AARSD1: variants seen among roughly 807,000 people sequenced by gnomAD.
AARSD1 encodes the protein alanyl-tRNA synthetase domain containing 1, also known as alanyl-tRNA editing protein Aarsd1.
Under a neutral mutation model 48.7 loss-of-function variants are expected in AARSD1, and 44 were observed. That is an observed-to-expected ratio of 0.90 (90% CI 0.71 to 1.16). The LOEUF (loss-of-function observed/expected upper bound fraction) is 1.16, where lower values mean the gene tolerates loss of function less well. Among genes scored for constraint, AARSD1 ranks in the 50% most tolerant of loss-of-function variants. The pLI is 0.00. For synonymous variants in AARSD1, 189 were observed against 194.9 expected (o/e 0.97, Z 0.25); for missense variants, 511 against 523.1 (o/e 0.98, Z 0.23).
chr17:42,962,242 G>A (rs1308893895), intron 2 of AARSD1: 1 of 290,850 alleles, frequency 3.4e-6, no homozygotes, highest in Non-Finnish European at 7.3e-6. Context: ...GGAGATTGCA[G>A]TAAGCCGAGA....
At chr17:42,954,293 T>C (rs1364820769) in intron 9 of AARSD1, among the ~76,000 whole-genome samples, 6 of 151,772 alleles carry the variant, frequency 4.0e-5, no homozygotes, top group Admixed American at 1.3e-4. Flanking sequence ...GAGGCACAGG[T>C]TACACTGAGC....
At chr17:42,954,791 C>G in intron 9 of AARSD1, 85 bp downstream of exon 9, 1 of 1,408,438 alleles carries the variant, frequency 7.1e-7, no homozygotes, top group Middle Eastern at 1.8e-4. Flanking sequence ...AATCCACCTC[C>G]CACTGTACAT....
At chr17:42,951,129 G>T (rs979769934) in intron 11 of AARSD1, among the ~76,000 whole-genome samples, 6 of 152,178 alleles carry the variant, frequency 3.9e-5, no homozygotes, top group African/African-American at 1.4e-4. Context: ...TTGCACTCCA[G>T]CCTGGGCAAC....
chr17:42,950,788 G>A (rs983129791), intron 11 of AARSD1, 60 bp from the exon 12 acceptor site: 7 of 1,561,668 alleles, frequency 4.5e-6, no homozygotes, highest in African/African-American at 1.4e-5. Context: ...AAAAAACAAG[G>A]GCAGCTCTGA....
intron 11 of AARSD1, among the ~76,000 whole-genome samples, chr17:42,951,158 CA>C (rs1442921546): frequency 1.3e-5 from 2 of 151,984 alleles, no homozygotes; most frequent in Non-Finnish European, 2.9e-5. Flanking sequence ...AACTTTGTCT[CA>C]AAAAAACACT....
intron 3 of AARSD1, among the ~76,000 whole-genome samples, chr17:42,959,316 T>G (rs2049600435): frequency 6.6e-6 from 1 of 150,612 alleles, no homozygotes; most frequent in Non-Finnish European, 1.5e-5. Flanking sequence ...GCTCCTGGGT[T>G]CAAGCAATTC....
chr17:42,958,473 C>T (rs967311653), intron 3 of AARSD1, among the ~76,000 whole-genome samples: 1 of 151,260 alleles, frequency 6.6e-6, no homozygotes, highest in Non-Finnish European at 1.5e-5. Context: ...GCCTGGGCAA[C>T]AAAGTGAGAC....
chr17:42,960,193 C>G (rs1048918642), intron 3 of AARSD1, among the ~76,000 whole-genome samples: 1 of 151,032 alleles, frequency 6.6e-6, no homozygotes, highest in Non-Finnish European at 1.5e-5. Flanking sequence ...CACTTGAGCC[C>G]GGGAGGTGAG....
chr17:42,955,819 C>T (rs1204402776), intron 7 of AARSD1, 23 bp downstream of exon 7: 8 of 1,613,386 alleles, frequency 5.0e-6, no homozygotes, highest in East Asian at 2.2e-5. Context: ...GGGAGGTAAT[C>T]GAAGGTACTG....
chr17:42,955,434 A>G (rs947354960), intron 7 of AARSD1: 3 of 405,854 alleles, frequency 7.4e-6, no homozygotes, highest in Non-Finnish European at 1.3e-5. Flanking sequence ...AAAGCACTTG[A>G]TCTTTTTTTT....
chr17:42,961,228 A>T lies in AARSD1; in HGVS notation c.295T>A (p.Trp99Arg). Residue 99 changes from tryptophan (W) to arginine (R), a missense_variant, in exon 3 of 12, where the codon TGG becomes AGG. By Grantham distance (101) the Trp-to-Arg change is moderately radical. Transcript: ENST00000427569. ...PGSQVLVRVD[W>R]ERRFDHMQQH... Reference sequence around the variant, plus strand: ...TGCATGTGGTCAAACCTCCGCTCCCAATCTACCCGGACCAGAACCTGGCTT... The same window carrying T: ...TGCATGTGGTCAAACCTCCGCTCCCTATCTACCCGGACCAGAACCTGGCTT... The T allele has an allele frequency of 6.2e-7, 1 of 1,613,840 alleles. No individual in the cohort carries two copies. Among genetic ancestry groups the T allele is most frequent in the Non-Finnish European group, 8.5e-7 (1 of 1,179,898 alleles).
rs768071783 is a variant in AARSD1 at position 42,955,902 on chromosome 17, C to CGGTT, written c.730_733dup (p.Arg245GlnfsTer14). 2.2e-5 allele frequency: 36 copies of CGGTT among 1,614,110 alleles called. No homozygotes were observed. Among genetic ancestry groups the CGGTT allele is most frequent in the Non-Finnish European group, 2.9e-5 (34 of 1,180,028 alleles). On this transcript the variant is annotated frameshift_variant, in exon 7 of 12. Coordinates refer to ENST00000427569, the MANE Select transcript of AARSD1 (RefSeq NM_001261434.2). LOFTEE classifies it high-confidence loss of function. The stretch of plus-strand genomic sequence containing the variant: ...ACTTCTCTCCATCCACTTCAGCACC[C>CGGTT]GGTTCCCAGACAGAAATATCAGGTT...
rs778004676 is a variant in AARSD1, at chr17:42,964,140, T to C, written c.137A>G (p.Glu46Gly). 27 of 1,614,198 alleles carry C rather than the reference T, an allele frequency of 1.7e-5. No homozygotes were observed. Among genetic ancestry groups the C allele is most frequent in the Non-Finnish European group, 1.6e-5 (19 of 1,180,036 alleles). Residue 46 changes from glutamate (E) to glycine (G), a missense_variant, in exon 2 of 12, where the codon GAA becomes GGA. Glu to Gly is a moderately conservative substitution (Grantham distance 98, BLOSUM62 -2). Coordinates refer to ENST00000427569, the MANE Select transcript of AARSD1 (RefSeq NM_001261434.2). ...GCCCTCAGGGAAAAGCACTGTGTCT[T>C]CCAGCACCACTTGGAAACCGCTCAG... ...EVLSGFQVVL[E>G]DTVLFPEGGG... is the part of the protein sequence containing the mutation.
At chr17:42,953,803 G>C in intron 9 of AARSD1, 25 bp from the exon 10 acceptor site, 3 of 1,614,074 alleles carry the variant, frequency 1.9e-6, no homozygotes, top group Non-Finnish European at 2.5e-6. Flanking sequence ...ACAGACATGA[G>C]ACCCAGGTTG....
In AARSD1 at chr17:42,964,416, T is replaced by C. The variant is rs1252743810; in HGVS notation, c.25A>G (p.Ser9Gly). MAFWCQRD[S>G]YAREFTTTVV... ...TGACGCCGTACCTCTCGGGCATAAC[T>C]GTCACGCTGACACCAGAACGCCATA... Residue 9 changes from serine (S) to glycine (G), a missense_variant, in exon 1 of 12, where the codon AGT (serine) becomes GGT (glycine). By Grantham distance (56) the Ser-to-Gly change is moderately conservative (BLOSUM62 0). Transcript: ENST00000427569. 1.3e-6 allele frequency: 2 copies of C among 1,551,112 alleles called. No homozygotes were observed. The highest frequency in any genetic ancestry group is 1.7e-6 in the Non-Finnish European group (2 of 1,147,140).
Position 42,950,643 on chromosome 17 carries a change from C to T in AARSD1, c.1189G>A (p.Ala397Thr), listed in dbSNP as rs765392366. ...KATKMSRRME[A>T]QALLQDYIST... ...ATGTAGTCCTGGAGAAGCGCCTGCG[C>T]CTCCATCCGCCGGCTCATCTTGGTG... The change falls in exon 12 of 12, where the codon GCG becomes ACG. Residue 397 changes from alanine (A) to threonine (T), a missense_variant. By Grantham distance (58) the Ala-to-Thr change is moderately conservative (BLOSUM62 0). Transcript: ENST00000427569. The T allele has an allele frequency of 3.1e-6, 5 of 1,614,068 alleles. No homozygotes were observed. The highest frequency in any genetic ancestry group is 4.5e-5 in the East Asian group (2 of 44,882).
chr17:42,962,404 C>A, intron 2 of AARSD1: 1 of 160,702 alleles, frequency 6.2e-6, no homozygotes, highest in South Asian at 1.2e-4. Flanking sequence ...AGATATGGTA[C>A]CTCATGGAAC....
In AARSD1 at chr17:42,953,771, C is replaced by A; in HGVS notation, c.961G>T (p.Gly321Cys). 1 of 1,614,106 alleles carries A rather than the reference C, an allele frequency of 6.2e-7. No homozygotes were observed. The highest frequency in any genetic ancestry group is 8.5e-7 in the Non-Finnish European group (1 of 1,180,000). The change falls in exon 10 of 12, where the codon GGT becomes TGT. Residue 321 changes from glycine (G) to cysteine (C), a missense_variant. Gly to Cys is a radical substitution (Grantham distance 159). Transcript: ENST00000427569. ...GGVVILHRKEGDSEFMNIIAN... is the reference protein window; with the variant it reads ...GGVVILHRKECDSEFMNIIAN... Reference sequence around the variant, plus strand: ...ATGATATTCATGAACTCTGAATCACCCTCCTTCCTACAACAAAGGACACAG... The same window carrying A: ...ATGATATTCATGAACTCTGAATCACACTCCTTCCTACAACAAAGGACACAG...
chr17:42,952,118 G>GA, intron 10 of AARSD1: 1 of 535,492 alleles, frequency 1.9e-6, no homozygotes, highest in South Asian at 2.4e-5. Context: ...GAAGGCAGCA[G>GA]AAGACTGCTG....
Sources: gnomAD v4.1 joint callset for allele counts (sites outside exome capture counted in the v4.1 genomes callset) on GRCh38, gnomAD v4.1.1 for gene constraint, MANE v1.5 for transcripts, NCBI Gene and HGNC (gene_info 2026-07-23, HGNC 2026-07-21) for gene names.